Variants in DDB2 observed in about 807,000 individuals in gnomAD.
DDB2 encodes DNA damage-binding protein 2.
A neutral mutation model predicts 50.5 loss-of-function variants in DDB2; 27 were observed. The ratio of observed to expected loss-of-function variants is 0.53; its 90% CI spans 0.39 to 0.74. The LOEUF (loss-of-function observed/expected upper bound fraction) is 0.74. Among genes scored for constraint, DDB2 ranks in the 30% least tolerant of loss-of-function variants. DDB2 has a pLI of 0.00. For synonymous variants in DDB2, 176 were observed against 205.5 expected, an observed-to-expected ratio of 0.86 and a Z score of 1.23; for missense variants, 424 against 545.6, an observed-to-expected ratio of 0.78 and a Z score of 2.22.
Position 47,238,951 on chromosome 11 carries a change from C to T in DDB2, c.*102C>T. The T allele has an allele frequency of 7.7e-7, 1 of 1,294,488 alleles. No homozygotes were observed. Among genetic ancestry groups the T allele is most frequent in the Non-Finnish European group, 1.1e-6 (1 of 910,972 alleles). 80.2% of individuals were successfully genotyped at this position (1,294,488 alleles called of 1,614,324 possible). ...CGATTTGTTAAAGGGCCAAAAGTAT[C>T]CAAGGTTAGGGTTGGAGCAGGGGTG... On this transcript the variant is annotated 3_prime_UTR_variant, in exon 10 of 10. Transcript: ENST00000256996.
At chr11:47,229,748 A>C (rs1400859404) in intron 3 of DDB2, 1 of 401,430 alleles carries the variant, frequency 2.5e-6, no homozygotes, top group Non-Finnish European at 4.8e-6. Flanking sequence ...CTGATTGCAG[A>C]TTCCTTTTAC....
chr11:47,216,256 A>G, intron 1 of DDB2, 80 bp from the exon 2 acceptor site: 1 of 1,608,846 alleles, frequency 6.2e-7, no homozygotes. Context: ...GCCGAATGAA[A>G]CAAGGCTTCC....
intron 3 of DDB2, among the ~76,000 whole-genome samples, chr11:47,218,563 T>C (rs980914959): frequency 6.6e-6 from 1 of 152,136 alleles, no homozygotes; most frequent in Non-Finnish European, 1.5e-5. Context: ...ACAGAGTTCT[T>C]GGGAATGGTC....
chr11:47,228,138 C>CAAAA (rs35908583), intron 3 of DDB2, among the ~76,000 whole-genome samples: 7 of 57,442 alleles, frequency 1.2e-4, no homozygotes, highest in Non-Finnish European at 1.7e-4. Flanking sequence ...GGCTCTGTCT[C>CAAAA]AAAAAAAAAA....
intron 3 of DDB2, among the ~76,000 whole-genome samples, chr11:47,221,187 TATC>T (rs1398237664): frequency 2.0e-5 from 3 of 152,048 alleles, no homozygotes; most frequent in Admixed American, 6.6e-5. Flanking sequence ...AGTGTATTCT[TATC>T]ATAAAATACA....
At chr11:47,235,180 G>A in intron 6 of DDB2, 90 bp from the exon 7 acceptor site, 1 of 1,556,190 alleles carries the variant, frequency 6.4e-7, no homozygotes, top group Non-Finnish European at 8.9e-7. Context: ...AGGAGTGGGA[G>A]GGAGAGTACC....
At chr11:47,228,339 AG>A (rs1410981110) in intron 3 of DDB2, among the ~76,000 whole-genome samples, 4 of 142,892 alleles carry the variant, frequency 2.8e-5, no homozygotes. Context: ...GTGGAGACGG[AG>A]GGTTTAAGAT....
At chr11:47,226,143 C>T (rs1953553766) in intron 3 of DDB2, among the ~76,000 whole-genome samples, 1 of 152,184 alleles carries the variant, frequency 6.6e-6, no homozygotes, top group African/African-American at 2.4e-5. Context: ...ACGATTGCTT[C>T]ATCAAATGGT....
chr11:47,219,173 G>C, intron 3 of DDB2, among the ~76,000 whole-genome samples: 1 of 152,202 alleles, frequency 6.6e-6, no homozygotes, highest in East Asian at 1.9e-4. Context: ...TCTATCTCCT[G>C]ACCTTGTGAT....
chr11:47,216,022 C>T (rs527985062), intron 1 of DDB2: 1 of 449,666 alleles, frequency 2.2e-6, no homozygotes, highest in Admixed American at 3.5e-5. Context: ...GTTTTGCAGC[C>T]CAAACTGGGA....
intron 7 of DDB2, among the ~76,000 whole-genome samples, chr11:47,236,860 G>A (rs1388942097): frequency 6.6e-6 from 1 of 152,160 alleles, no homozygotes; most frequent in East Asian, 1.9e-4. Flanking sequence ...ATCTAGCCAG[G>A]TGTCGTAAGT....
chr11:47,227,615 A>G (rs1953579445), intron 3 of DDB2, among the ~76,000 whole-genome samples: 1 of 151,672 alleles, frequency 6.6e-6, no homozygotes, highest in East Asian at 1.9e-4. Context: ...GGTTCAAGCA[A>G]TTCTCCTGCC....
At chr11:47,228,956 CAAA>C (rs58216148) in intron 3 of DDB2, among the ~76,000 whole-genome samples, 1 of 94,244 alleles carries the variant, frequency 1.1e-5, no homozygotes, top group Non-Finnish European at 2.0e-5. Flanking sequence ...GACTCCATCT[CAAA>C]AAAAAAAAAA....
At chr11:47,223,353 C>T (rs1464832684) in intron 3 of DDB2, among the ~76,000 whole-genome samples, 6 of 152,046 alleles carry the variant, frequency 3.9e-5, no homozygotes, top group African/African-American at 4.8e-5. Context: ...GGTGTGGTGG[C>T]GCTCACCAGT....
chr11:47,219,229 CA>C (rs1342598611), intron 3 of DDB2, among the ~76,000 whole-genome samples: 1 of 152,238 alleles, frequency 6.6e-6, no homozygotes, highest in Non-Finnish European at 1.5e-5. Context: ...AGGCGTGAGC[CA>C]CCGCCCCCAG....
intron 3 of DDB2, among the ~76,000 whole-genome samples, chr11:47,224,432 T>C (rs1208198817): frequency 6.6e-6 from 1 of 152,056 alleles, no homozygotes; most frequent in Admixed American, 6.6e-5. Context: ...ATTTTTTTAG[T>C]AGAGACAGGG....
intron 4 of DDB2, 73 bp from the exon 5 acceptor site, chr11:47,234,500 C>T: frequency 8.2e-7 from 1 of 1,225,390 alleles, no homozygotes; most frequent in Non-Finnish European, 1.2e-6. Flanking sequence ...GGGTTAGTCA[C>T]CGGAGCGGCA....
intron 4 of DDB2, chr11:47,233,259 C>A (rs1275058568): frequency 4.5e-6 from 2 of 447,380 alleles, no homozygotes; most frequent in African/African-American, 4.0e-5. Flanking sequence ...CAGAAAGCCA[C>A]CTAGAGAATG....
chr11:47,215,467 G>C (rs529681483), intron 1 of DDB2: 48 of 655,176 alleles, frequency 7.3e-5, no homozygotes, highest in Middle Eastern at 8.4e-4. Flanking sequence ...AAGCAGATGA[G>C]CTCCGTAACA....
Sources: allele counts gnomAD v4.1 joint callset (sites outside exome capture counted in the v4.1 genomes callset), GRCh38; gene constraint gnomAD v4.1.1; transcripts MANE v1.5; gene names NCBI Gene and HGNC (gene_info 2026-07-23, HGNC 2026-07-21).